Variants in EPHA5 observed in about 807,000 individuals in gnomAD.
EPHA5 encodes EPH receptor A5.
Under a neutral mutation model 105.0 loss-of-function variants are expected in EPHA5, and 60 were observed. The ratio of observed to expected loss-of-function variants is 0.57; its 90% CI spans 0.46 to 0.71. The LOEUF is 0.71. EPHA5 is among the 30% of genes least tolerant of loss of function. The probability of loss-of-function intolerance (pLI) is 0.00; values close to 1 mark genes in which losing one functional copy is unlikely to be tolerated. For synonymous variants in EPHA5, 513 were observed against 449.1 expected, an observed-to-expected ratio of 1.14 and a Z score of -1.80; for missense variants, 1,218 against 1,274.7, an observed-to-expected ratio of 0.96 and a Z score of 0.68.
chr4:65,632,841 T>C (rs982196755), intron 2 of EPHA5, among the ~76,000 whole-genome samples: 5 of 152,098 alleles, frequency 3.3e-5, no homozygotes, highest in Non-Finnish European at 7.4e-5. Context: ...TCATGTTGTA[T>C]AACTTGAGCT....
chr4:65,402,759 G>A (rs965709389), intron 8 of EPHA5, among the ~76,000 whole-genome samples: 2 of 152,118 alleles, frequency 1.3e-5, no homozygotes, highest in African/African-American at 4.8e-5. Flanking sequence ...GCTCCACAAA[G>A]TCATCATCTA....
chr4:65,432,692 T>G (rs942642915), intron 5 of EPHA5, among the ~76,000 whole-genome samples: 1 of 152,016 alleles, frequency 6.6e-6, no homozygotes, highest in Non-Finnish European at 1.5e-5. Context: ...CTCAGTCTCC[T>G]AAGTATCCTG....
At chr4:65,598,487 C>T (rs1400827016) in intron 3 of EPHA5, among the ~76,000 whole-genome samples, 1 of 152,134 alleles carries the variant, frequency 6.6e-6, no homozygotes, top group East Asian at 1.9e-4. Context: ...ACTTCTTTCT[C>T]ATCCCTTAAG....
chr4:65,353,110 A>T lies in EPHA5; in HGVS notation c.2174-7T>A. ...ACGATCATCACTGGTTTACCTGAAA[A>T]GAAAACAGAGTGATATAACCTGCTG... On this transcript the variant is annotated splice_polypyrimidine_tract_variant and splice_region_variant and intron_variant, in intron 11 of 16. Transcript: ENST00000613740. 6.5e-7 allele frequency: 1 copy of T among 1,544,630 alleles called. No homozygotes were observed. Among genetic ancestry groups the T allele is most frequent in the Non-Finnish European group, 8.7e-7 (1 of 1,146,814 alleles).
chr4:65,370,245 A>G (rs1718325719), intron 8 of EPHA5, among the ~76,000 whole-genome samples: 1 of 152,244 alleles, frequency 6.6e-6, no homozygotes, highest in South Asian at 2.1e-4. Flanking sequence ...CCATACTGAA[A>G]TTGTATTTTG....
chr4:65,669,808 G>A lies in EPHA5; in HGVS notation c.-66C>T, dbSNP rs997504766. ...CAGTCCACCGCTTCGGCCTCGCAGA[G>A]CGGCGAAGGGAGACTCGGGAGTCCT... is the stretch of plus-strand genomic sequence containing the variant. On this transcript the variant is annotated 5_prime_UTR_variant, in exon 1 of 17. Coordinates refer to ENST00000613740, the MANE Select transcript of EPHA5 (RefSeq NM_001281766.3). The A allele has an allele frequency of 8.1e-7, 1 of 1,233,996 alleles. No homozygotes were observed. The highest frequency in any genetic ancestry group is 1.0e-6 in the Non-Finnish European group (1 of 989,108). The allele number at this position is 1,233,996 out of a possible 1,614,324, so 76.4% of individuals were successfully genotyped here.
intron 3 of EPHA5, among the ~76,000 whole-genome samples, chr4:65,557,233 G>GAT (rs61008833): frequency 0.033 from 2,980 of 90,880 alleles, 129 homozygotes; most frequent in East Asian, 0.13. Context: ...TTTATACTGG[G>GAT]ATATATATAT....
At chr4:65,366,354 C>T (rs553130731) in intron 9 of EPHA5, among the ~76,000 whole-genome samples, 1 of 151,874 alleles carries the variant, frequency 6.6e-6, no homozygotes, top group Admixed American at 6.6e-5. Context: ...ATTCACCGAA[C>T]TGGACAATGC....
chr4:65,637,118 T>C (rs1747194221), intron 2 of EPHA5, among the ~76,000 whole-genome samples: 1 of 151,886 alleles, frequency 6.6e-6, no homozygotes, highest in African/African-American at 2.4e-5. Context: ...CTGTCACATA[T>C]GTAACAGTTG....
rs1750271835 is a variant in EPHA5 at position 65,669,549 on chromosome 4, C to T, written c.181+13G>A. 1.4e-6 allele frequency: 2 copies of T among 1,380,580 alleles called. No individual in the cohort carries two copies. Among genetic ancestry groups the T allele is most frequent in the Non-Finnish European group, 1.9e-6 (2 of 1,061,310 alleles). The allele number at this position is 1,380,580 out of a possible 1,614,324, so 85.5% of individuals were successfully genotyped here. A position where few individuals can be genotyped will look rare whatever the true frequency, so the allele number is the denominator to read the frequency against. On this transcript the variant is annotated intron_variant, in intron 1 of 16. Coordinates refer to ENST00000613740, the MANE Select transcript of EPHA5 (RefSeq NM_001281766.3). ...GCCCCAGGTCGCCACGGTCCCCACC[C>T]CCATCTCCCTACCTTCGTTGCTGGG...
chr4:65,545,365 C>T (rs1737272150), intron 3 of EPHA5, among the ~76,000 whole-genome samples: 1 of 151,792 alleles, frequency 6.6e-6, no homozygotes, highest in South Asian at 2.1e-4. Flanking sequence ...CAAAGTAACC[C>T]ATCACTCCCA....
At chr4:65,554,932 G>T (rs141683429) in intron 3 of EPHA5, among the ~76,000 whole-genome samples, 2,790 of 118,616 alleles carry the variant, frequency 0.024, 37 homozygotes, top group Middle Eastern at 0.041. Flanking sequence ...GAGATGAGAA[G>T]AATTCACTTC....
At chr4:65,360,138 C>A (rs1056091286) in intron 11 of EPHA5, among the ~76,000 whole-genome samples, 4 of 151,584 alleles carry the variant, frequency 2.6e-5, no homozygotes, top group Non-Finnish European at 4.4e-5. Flanking sequence ...ATAGAAAACA[C>A]CCACTCTCAA....
intron 5 of EPHA5, among the ~76,000 whole-genome samples, chr4:65,442,075 C>A (rs1302361209): frequency 6.6e-6 from 1 of 151,748 alleles, no homozygotes; most frequent in Non-Finnish European, 1.5e-5. Flanking sequence ...ATAAAATGTC[C>A]AATGTAATTC....
At chr4:65,635,003 T>C (rs1232057764) in intron 2 of EPHA5, among the ~76,000 whole-genome samples, 2 of 152,036 alleles carry the variant, frequency 1.3e-5, no homozygotes, top group African/African-American at 2.4e-5. Context: ...TGCACACTAT[T>C]GTCAAAATCT....
chr4:65,522,781 T>C (rs924843951), intron 3 of EPHA5, among the ~76,000 whole-genome samples: 2 of 152,052 alleles, frequency 1.3e-5, no homozygotes, highest in Non-Finnish European at 2.9e-5. Flanking sequence ...CTGTCCTTCA[T>C]GAGCTCTTCA....
At chr4:65,522,384 C>A (rs1254925079) in intron 3 of EPHA5, among the ~76,000 whole-genome samples, 1 of 150,148 alleles carries the variant, frequency 6.7e-6, no homozygotes, top group Non-Finnish European at 1.5e-5. Flanking sequence ...TTGGGTTTTT[C>A]TCATTTTCAT....
intron 14 of EPHA5, among the ~76,000 whole-genome samples, chr4:65,343,856 GTT>G (rs10601380): frequency 0.17 from 25,087 of 150,902 alleles, 2,210 homozygotes; most frequent in East Asian, 0.33. Flanking sequence ...AAATATTAGT[GTT>G]TTTTTTTTCT....
intron 16 of EPHA5, chr4:65,330,908 A>T: frequency 1.9e-6 from 2 of 1,038,012 alleles, no homozygotes; most frequent in Non-Finnish European, 2.3e-6. Flanking sequence ...AGTTATCGGT[A>T]TGAAGGAAGA....
Sources: allele counts gnomAD v4.1 joint callset (sites outside exome capture counted in the v4.1 genomes callset), GRCh38; gene constraint gnomAD v4.1.1; transcripts MANE v1.5; gene names NCBI Gene and HGNC (gene_info 2026-07-23, HGNC 2026-07-21).